POMGNT2: variants seen among roughly 807,000 people sequenced by gnomAD.
The protein encoded by POMGNT2 is protein O-linked mannose N-acetylglucosaminyltransferase 2 (beta 1,4-).
In POMGNT2, 32 loss-of-function variants were observed where a neutral mutation model predicts 37.8. The observed-to-expected ratio is 0.85, with a 90% confidence interval of 0.64 to 1.14. The LOEUF (loss-of-function observed/expected upper bound fraction) is 1.14. POMGNT2 is among the 50% of genes most tolerant of loss of function. POMGNT2 has a pLI of 0.00. For missense variants in POMGNT2, 705 were observed against 780.6 expected, an observed-to-expected ratio of 0.90 and a Z score of 1.15; for synonymous variants, 340 against 336.8, an observed-to-expected ratio of 1.01 and a Z score of -0.10.
chr3:43,100,543 C>T (rs1024620318), intron 1 of POMGNT2, among the ~76,000 whole-genome samples: 1 of 152,176 alleles, frequency 6.6e-6, no homozygotes, highest in Non-Finnish European at 1.5e-5. Flanking sequence ...AATCAGGCCC[C>T]TTTAGCACTC....
chr3:43,092,533 A>C (rs1379428658), intron 1 of POMGNT2, among the ~76,000 whole-genome samples: 1 of 152,198 alleles, frequency 6.6e-6, no homozygotes, highest in Non-Finnish European at 1.5e-5. Flanking sequence ...CTTGTCCTCA[A>C]GCAATCCTCC....
chr3:43,081,305 T>C lies in POMGNT2; in HGVS notation c.127A>G (p.Thr43Ala). 1.9e-6 allele frequency: 3 copies of C among 1,612,588 alleles called. No homozygotes were observed. Among genetic ancestry groups the C allele is most frequent in the Non-Finnish European group, 2.5e-6 (3 of 1,180,006 alleles). The change falls in exon 2 of 2, where the codon ACA (threonine) becomes GCA (alanine). Residue 43 changes from threonine (T) to alanine (A), a missense_variant. Physicochemically the swap from Thr to Ala is moderately conservative, Grantham distance 58. Transcript: ENST00000344697. The stretch of plus-strand genomic sequence containing the variant: ...ATCCTCAGTGCTGGGGCTGGCTCTG[T>C]GGCCTGTCGGCTGAGGGCCAGCTCC... ...EEELALSRQATEPAPALRIDY... is the reference protein window; with the variant it reads ...EEELALSRQAAEPAPALRIDY...
chr3:43,088,034 C>A (rs942812896), intron 1 of POMGNT2: 2 of 152,192 alleles, frequency 1.3e-5, no homozygotes, highest in African/African-American at 2.4e-5. Context: ...CCACTTTTGA[C>A]TTATAAGAAC....
intron 1 of POMGNT2, among the ~76,000 whole-genome samples, chr3:43,099,381 G>A (rs1477492219): frequency 6.6e-6 from 1 of 152,186 alleles, no homozygotes; most frequent in Non-Finnish European, 1.5e-5. Flanking sequence ...GGTGATGGAG[G>A]ATAAGATGAG....
intron 1 of POMGNT2, among the ~76,000 whole-genome samples, chr3:43,093,072 C>T (rs2089955652): frequency 1.3e-5 from 2 of 152,232 alleles, no homozygotes; most frequent in South Asian, 2.1e-4. Context: ...GGCATCATCT[C>T]TCTAGTGATC....
chr3:43,080,940 G>A lies in POMGNT2; in HGVS notation c.492C>T (p.Leu164=). 6.2e-7 allele frequency: 1 copy of A among 1,614,212 alleles called. No homozygotes were observed. ...LIANRFNPDN[L]MHVFHDDLLP... ...GCAGGTCGTCATGAAAGACGTGCAT[G>A]AGGTTGTCGGGGTTGAAGCGGTTGG... is the stretch of plus-strand genomic sequence containing the variant. Residue 164 remains leucine (L), a synonymous_variant, in exon 2 of 2, where the codon CTC becomes CTT. Coordinates refer to ENST00000344697, the MANE Select transcript of POMGNT2 (RefSeq NM_032806.6).
rs2125700978 is a variant in POMGNT2, at chr3:43,081,163, G to A, written c.269C>T (p.Ala90Val). The change falls in exon 2 of 2, where the codon GCT becomes GTT. Residue 90 changes from alanine (A) to valine (V), a missense_variant. Transcript: ENST00000344697. ...RFKWLCYSNE[A>V]EEFIFFHGNT... ...GCCATGGAAGAAGATGAACTCCTCA[G>A]CCTCGTTGGAGTAGCAGAGCCACTT... is the stretch of plus-strand genomic sequence containing the variant. The A allele has an allele frequency of 1.2e-6, 2 of 1,614,218 alleles. No individual in the cohort carries two copies. Among genetic ancestry groups the A allele is most frequent in the Admixed American group, 3.3e-5 (2 of 60,032 alleles).
At chr3:43,082,125 A>G (rs2125701824) in intron 1 of POMGNT2, among the ~76,000 whole-genome samples, 1 of 152,378 alleles carries the variant, frequency 6.6e-6, no homozygotes, top group Middle Eastern at 3.4e-3. Flanking sequence ...CTGCTGCAGC[A>G]AAAGCTAACA....
chr3:43,079,923 A>G lies in POMGNT2; in HGVS notation c.1509T>C (p.Thr503=), dbSNP rs144063493. 6.2e-7 allele frequency: 1 copy of G among 1,614,120 alleles called. No homozygotes were observed. The highest frequency in any genetic ancestry group is 1.3e-5 in the African/African-American group (1 of 75,076). The change falls in exon 2 of 2, where the codon ACT becomes ACC. Residue 503 remains threonine, a synonymous_variant. Coordinates refer to ENST00000344697, the MANE Select transcript of POMGNT2 (RefSeq NM_032806.6). ...GGTTCCATGGGATCTGCCAGGAGAC[A>G]GTGAGGCGGGCCTCGGAGGCGCCAT... The part of the protein sequence containing the change: ...SVHGASEARL[T]VSWQIPWNLK...
At chr3:43,100,762 T>C (rs1314548069) in intron 1 of POMGNT2, among the ~76,000 whole-genome samples, 1 of 152,198 alleles carries the variant, frequency 6.6e-6, no homozygotes, top group Non-Finnish European at 1.5e-5. Context: ...TCTCAGTCTA[T>C]CTTCAACTTA....
At chr3:43,087,105 A>G (rs1190192640) in intron 1 of POMGNT2, among the ~76,000 whole-genome samples, 1 of 152,204 alleles carries the variant, frequency 6.6e-6, no homozygotes, top group African/African-American at 2.4e-5. Flanking sequence ...ATTAGAAGCA[A>G]AATAGAAGAA....
rs901959964 is a variant in POMGNT2, at chr3:43,084,594, G to A, written c.-105-3058C>T. On this transcript the variant is annotated intron_variant, in intron 1 of 1. Coordinates refer to ENST00000344697, the MANE Select transcript of POMGNT2 (RefSeq NM_032806.6). ...CAGGAGGTGGAGCTTGCAGTGAGCC[G>A]AGATCGCACCACTGCACTCCAGCCT... is the stretch of plus-strand genomic sequence containing the variant. Among the ~76,000 whole-genome samples, 7 of 151,198 alleles carry A rather than the reference G, an allele frequency of 4.6e-5. No homozygotes were observed. The East Asian group carries it at 1.2e-3, about 25-fold the overall frequency.
intron 1 of POMGNT2, among the ~76,000 whole-genome samples, chr3:43,087,218 A>C (rs1449804372): frequency 6.6e-6 from 1 of 152,232 alleles, no homozygotes; most frequent in Non-Finnish European, 1.5e-5. Context: ...AATTTCTTTC[A>C]TTTTAAGCCA....
At chr3:43,090,285 T>C (rs1032611413) in intron 1 of POMGNT2, among the ~76,000 whole-genome samples, 13 of 152,208 alleles carry the variant, frequency 8.5e-5, no homozygotes, top group African/African-American at 2.9e-4. Flanking sequence ...GAAATCGGTA[T>C]TTTATATCAA....
At chr3:43,101,033 G>GC (rs1013196610) in intron 1 of POMGNT2, among the ~76,000 whole-genome samples, 9 of 152,208 alleles carry the variant, frequency 5.9e-5, no homozygotes, top group Non-Finnish European at 1.3e-4. Flanking sequence ...GAGAAAAGAA[G>GC]CCCCTGCACC....
chr3:43,081,068 C>A lies in POMGNT2; in HGVS notation c.364G>T (p.Val122Leu), dbSNP rs149948290. 1.2e-6 allele frequency: 2 copies of A among 1,614,082 alleles called. No homozygotes were observed. Among genetic ancestry groups the A allele is most frequent in the African/African-American group, 1.3e-5 (1 of 74,926 alleles). ...AAGTACTGAGTGTTGTGGTCCTCCA[C>A]GGTGGATAGGTCGAGCAGGGCTGGC... is the stretch of plus-strand genomic sequence containing the variant. ...FQPALLDLST[V>L]EDHNTQYFNF... The change falls in exon 2 of 2, where the codon GTG becomes TTG. Residue 122 changes from valine to leucine, a missense_variant. Physicochemically the swap from Val to Leu is conservative, Grantham distance 32 (BLOSUM62 1). Coordinates refer to ENST00000344697, the MANE Select transcript of POMGNT2 (RefSeq NM_032806.6).
At position 43,080,472 on chromosome 3, in the gene POMGNT2, T is replaced by C. The variant is rs773361457; in HGVS notation, c.960A>G (p.Thr320=). 8.7e-6 allele frequency: 14 copies of C among 1,614,104 alleles called. No individual in the cohort carries two copies. The highest frequency in any genetic ancestry group is 1.2e-5 in the Non-Finnish European group (14 of 1,180,048). ...CAAAGGTGTGGTCCTCCAGGGACAC[T>C]GTCACTGTCTTCATCTGGAACTCCT... The part of the protein sequence containing the change: ...LAQEFQMKTV[T]VSLEDHTFAD... Residue 320 remains threonine (T), a synonymous_variant, in exon 2 of 2, where the codon ACA becomes ACG. Transcript: ENST00000344697.
chr3:43,079,713 T>C lies in POMGNT2; in HGVS notation c.1719A>G (p.Ala573=), dbSNP rs2089828398. 2 of 1,613,720 alleles carry C rather than the reference T, an allele frequency of 1.2e-6. No individual in the cohort carries two copies. Among genetic ancestry groups the C allele is most frequent in the Non-Finnish European group, 1.7e-6 (2 of 1,179,766 alleles). Residue 573 remains alanine, a synonymous_variant, in exon 2 of 2, where the codon GCA becomes GCG. Coordinates refer to ENST00000344697, the MANE Select transcript of POMGNT2 (RefSeq NM_032806.6). ...IFNKILLGPF[A]DVLVCNT is the part of the protein sequence containing the mutation. ...GCTACGTGTTGCACACCAGCACATC[T>C]GCAAAGGGTCCCAGGAGGATCTTGT... is the stretch of plus-strand genomic sequence containing the variant.
At position 43,090,569 on chromosome 3, in the gene POMGNT2, C is replaced by T. The variant is rs1166218133; in HGVS notation, c.-105-9033G>A. On this transcript the variant is annotated intron_variant, in intron 1 of 1. Coordinates refer to ENST00000344697, the MANE Select transcript of POMGNT2 (RefSeq NM_032806.6). Reference sequence around the variant, plus strand: ...GTAAGACATGCCCTCAGCTGGAGTTCCGACATCTGATCTCTAGGAGGAAAG... The same window carrying T: ...GTAAGACATGCCCTCAGCTGGAGTTTCGACATCTGATCTCTAGGAGGAAAG... The T allele has an allele frequency of 2.6e-5, 4 of 151,906 alleles. No homozygotes were observed. In the East Asian group the frequency reaches 7.8e-4, roughly 29 times the overall value. The allele number at this position is 151,906 out of a possible 1,614,324, so 9.4% of individuals were successfully genotyped here.
Sources: gnomAD v4.1 joint callset for allele counts (sites outside exome capture counted in the v4.1 genomes callset) on GRCh38, gnomAD v4.1.1 for gene constraint, MANE v1.5 for transcripts, NCBI Gene and HGNC (gene_info 2026-07-23, HGNC 2026-07-21) for gene names.